Variants in RBM26 observed in about 807,000 individuals in gnomAD.
RBM26 encodes the protein RNA binding motif protein 26.
RBM26 carries 30 observed loss-of-function variants against 123.6 expected under a neutral mutation model. That is an observed-to-expected ratio of 0.24 (90% confidence interval 0.18 to 0.33). The LOEUF is 0.33. RBM26 is among the 10% of genes least tolerant of loss of function. The pLI is 1.00. For synonymous variants in RBM26, 400 were observed against 404.4 expected (o/e 0.99, Z 0.13); for missense variants, 947 against 1,203.6 (o/e 0.79, Z 3.15).
chr13:79,402,686 A>T (rs1318129787), intron 1 of RBM26, among the ~76,000 whole-genome samples: 1 of 152,108 alleles, frequency 6.6e-6, no homozygotes, highest in African/African-American at 2.4e-5. Flanking sequence ...CACCAAACCT[A>T]TAACGCTTTC....
chr13:79,404,911 T>C (rs985573595), intron 1 of RBM26, among the ~76,000 whole-genome samples: 1 of 152,226 alleles, frequency 6.6e-6, no homozygotes, highest in Non-Finnish European at 1.5e-5. Flanking sequence ...AGGTACCTAA[T>C]AACTTTATTA....
At chr13:79,358,222 T>C in intron 11 of RBM26, 52 bp downstream of exon 11, 2 of 1,419,084 alleles carry the variant, frequency 1.4e-6, no homozygotes, top group Admixed American at 2.4e-5. Context: ...CTTATTACAT[T>C]AAGTTCCCTA....
intron 3 of RBM26, among the ~76,000 whole-genome samples, chr13:79,374,064 C>G (rs543173797): frequency 6.6e-6 from 1 of 152,030 alleles, no homozygotes; most frequent in African/African-American, 2.4e-5. Flanking sequence ...TTTTGTGTTA[C>G]TGAGAACCAT....
At chr13:79,404,882 G>T (rs2079388225) in intron 1 of RBM26, among the ~76,000 whole-genome samples, 1 of 152,086 alleles carries the variant, frequency 6.6e-6, no homozygotes, top group Admixed American at 6.5e-5. Flanking sequence ...TATCCCCAAA[G>T]CCTCCCGTAG....
chr13:79,341,370 A>G (rs1594103874), intron 17 of RBM26, 143 bp from the exon 18 acceptor site: 1 of 476,878 alleles, frequency 2.1e-6, no homozygotes, highest in East Asian at 3.4e-5. Flanking sequence ...AAGCCAAAAT[A>G]CTCCACACCT....
chr13:79,359,600 G>T lies in RBM26; in HGVS notation c.1504C>A (p.Pro502Thr). The change falls in exon 10 of 22, where the codon CCT becomes ACT. Residue 502 changes from proline to threonine, a missense_variant. Transcript: ENST00000438737. The stretch of plus-strand genomic sequence containing the variant: ...TTATCAAACCAAGTCTTCTTTGTAG[G>T]AACTCCAGGCTCTCCAGAACCAATG... Reference protein sequence around the residue: ...RTIGSGEPGVPTKKTWFDKPN... With the variant: ...RTIGSGEPGVTTKKTWFDKPN... The T allele has an allele frequency of 6.3e-7, 1 of 1,590,022 alleles. No individual in the cohort carries two copies. Among genetic ancestry groups the T allele is most frequent in the Non-Finnish European group, 8.6e-7 (1 of 1,166,118 alleles).
At position 79,319,949 on chromosome 13, in the gene RBM26, C is replaced by CTTTTTTTTTTTTTTTTTTTGTTTT. The variant is rs2067490970; in HGVS notation, c.*671_*672insAAAACAAAAAAAAAAAAAAAAAAA. The CTTTTTTTTTTTTTTTTTTTGTTTT allele has an allele frequency of 9.6e-6, 1 of 104,680 alleles. No homozygotes were observed. The highest frequency in any genetic ancestry group is 1.1e-5 in the Non-Finnish European group (1 of 94,060). The allele number at this position is 104,680 out of a possible 1,614,324, so 6.5% of individuals were successfully genotyped here. ...TTTAAATCAAGGAACATTGTCTTGG[C>CTTTTTTTTTTTTTTTTTTTGTTTT]TTTTTTTTTTTTTTTTTTTTTGTCA... On this transcript the variant is annotated 3_prime_UTR_variant, in exon 22 of 22. Coordinates refer to ENST00000438737, the MANE Select transcript of RBM26 (RefSeq NM_001366735.2).
chr13:79,370,230 C>G (rs910615945), intron 5 of RBM26, among the ~76,000 whole-genome samples: 5 of 152,130 alleles, frequency 3.3e-5, no homozygotes, highest in African/African-American at 1.2e-4. Flanking sequence ...GCATGATCAT[C>G]GCTTGAACTC....
intron 1 of RBM26, among the ~76,000 whole-genome samples, chr13:79,405,231 G>C (rs906417508): frequency 2.6e-5 from 4 of 152,232 alleles, no homozygotes; most frequent in Admixed American, 2.6e-4. Flanking sequence ...AATCAGTGAA[G>C]AGAGGTGCAG....
At chr13:79,344,617 G>A in intron 15 of RBM26, 52 bp downstream of exon 15, 1 of 1,520,428 alleles carries the variant, frequency 6.6e-7, no homozygotes, top group Non-Finnish European at 9.0e-7. Flanking sequence ...ACATACACAA[G>A]GAAAGCTTTC....
chr13:79,332,208 G>GA (rs1297426265), intron 20 of RBM26, among the ~76,000 whole-genome samples: 6 of 152,132 alleles, frequency 3.9e-5, no homozygotes, highest in Admixed American at 2.6e-4. Context: ...TTTTTCTTGG[G>GA]AAGGCCTATC....
intron 3 of RBM26, among the ~76,000 whole-genome samples, chr13:79,373,205 AATATATAAAT>A (rs1566505342): frequency 8.9e-6 from 1 of 112,566 alleles, no homozygotes; most frequent in Non-Finnish European, 1.6e-5. Context: ...AATATATAAA[AATATATAAAT>A]ATATATAAAT....
chr13:79,344,642 T>G (rs754098447), intron 15 of RBM26, 27 bp downstream of exon 15: 1 of 1,591,068 alleles, frequency 6.3e-7, no homozygotes, highest in Non-Finnish European at 8.5e-7. Context: ...ATGCAAAAAT[T>G]TTTTATACTA....
chr13:79,324,742 A>G (rs1237993817), intron 20 of RBM26, among the ~76,000 whole-genome samples: 1 of 151,946 alleles, frequency 6.6e-6, no homozygotes, highest in African/African-American at 2.4e-5. Context: ...TATTTAAAAA[A>G]AAGAATTTTG....
At chr13:79,385,808 G>C (rs1156404629) in intron 1 of RBM26, among the ~76,000 whole-genome samples, 1 of 151,974 alleles carries the variant, frequency 6.6e-6, no homozygotes, top group Admixed American at 6.6e-5. Context: ...TCTGAATCCA[G>C]GAGTTCAAAT....
chr13:79,403,937 T>C (rs1464156551), intron 1 of RBM26, among the ~76,000 whole-genome samples: 3 of 152,210 alleles, frequency 2.0e-5, no homozygotes, highest in Non-Finnish European at 4.4e-5. Flanking sequence ...TGCCATACAC[T>C]TGTTTTTTAA....
intron 20 of RBM26, among the ~76,000 whole-genome samples, chr13:79,325,232 T>A (rs2068206500): frequency 6.6e-6 from 1 of 151,956 alleles, no homozygotes; most frequent in Non-Finnish European, 1.5e-5. Context: ...TTATCATTAT[T>A]TTAGAGTGTA....
At chr13:79,367,948 A>T (rs1309407740) in intron 6 of RBM26, among the ~76,000 whole-genome samples, 1 of 152,218 alleles carries the variant, frequency 6.6e-6, no homozygotes, top group Non-Finnish European at 1.5e-5. Context: ...AAACTAAAAA[A>T]AATTGCAATG....
intron 3 of RBM26, 130 bp downstream of exon 3, chr13:79,377,249 C>G (rs2076731845): frequency 1.4e-6 from 1 of 700,808 alleles, no homozygotes; most frequent in South Asian, 2.0e-5. Context: ...TATGAGTCCT[C>G]CTAGAAAAAT....
Sources: gnomAD v4.1 joint callset for allele counts (sites outside exome capture counted in the v4.1 genomes callset) on GRCh38, gnomAD v4.1.1 for gene constraint, MANE v1.5 for transcripts, NCBI Gene and HGNC (gene_info 2026-07-23, HGNC 2026-07-21) for gene names.